Variants in DPYSL3 observed in about 807,000 individuals in gnomAD.
DPYSL3 encodes dihydropyrimidinase like 3.
A neutral mutation model predicts 66.1 loss-of-function variants in DPYSL3; 16 were observed. That is an observed-to-expected ratio of 0.24 (90% CI 0.16 to 0.37). DPYSL3 has a LOEUF of 0.37. Ranked by LOEUF, DPYSL3 falls within the 10% of genes least tolerant of loss-of-function variation. DPYSL3 has a pLI of 1.00. For missense variants in DPYSL3, 738 were observed against 916.2 expected (o/e 0.81, Z 2.51); for synonymous variants, 338 against 345.1 (o/e 0.98, Z 0.23).
chr5:147,394,982 G>A (rs982106277), intron 13 of DPYSL3, among the ~76,000 whole-genome samples: 7 of 152,152 alleles, frequency 4.6e-5, no homozygotes, highest in African/African-American at 1.7e-4. Flanking sequence ...TGGTTATGGA[G>A]CAACTGAATG....
chr5:147,456,283 G>A (rs1221320635), intron 1 of DPYSL3, among the ~76,000 whole-genome samples: 1 of 152,200 alleles, frequency 6.6e-6, no homozygotes, highest in Non-Finnish European at 1.5e-5. Flanking sequence ...CAGTATGGAT[G>A]TTTTCCACAG....
chr5:147,402,355 T>A (rs6875205), intron 8 of DPYSL3, among the ~76,000 whole-genome samples: 12 of 140,366 alleles, frequency 8.5e-5, no homozygotes, highest in African/African-American at 2.8e-4. Context: ...TTTTTTTTTC[T>A]TTTTTTTTTT....
intron 1 of DPYSL3, among the ~76,000 whole-genome samples, chr5:147,496,005 A>T (rs1006452329): frequency 6.8e-4 from 103 of 152,214 alleles, no homozygotes; most frequent in Non-Finnish European, 1.2e-3. Context: ...ACTATACTAC[A>T]AGGCTACAGT....
chr5:147,406,501 A>G (rs2152019145), intron 7 of DPYSL3, among the ~76,000 whole-genome samples: 1 of 152,286 alleles, frequency 6.6e-6, no homozygotes, highest in South Asian at 2.1e-4. Context: ...TAAATTGAGG[A>G]TAATAGGATC....
Position 147,394,682 on chromosome 5 carries a change from CAA to C in DPYSL3, c.1967-561_1967-560del, listed in dbSNP as rs34195078. ...TAAGGTAGCCAGAGAACAACAACAA[CAA>C]AAAAAAAAAGGCAAAAACTTTGAAA... On this transcript the variant is annotated intron_variant, in intron 13 of 13. Coordinates refer to ENST00000343218, the MANE Select transcript of DPYSL3 (RefSeq NM_001197294.2). Among the ~76,000 whole-genome samples the C allele has an allele frequency of 6.2e-5, 9 of 144,698 alleles. No individual in the cohort carries two copies. The East Asian group carries it at 8.0e-4, about 13-fold the overall frequency. The allele number at this position is 144,698 out of a possible 152,430, so 94.9% of individuals were successfully genotyped here.
chr5:147,501,182 A>T (rs1583291), intron 1 of DPYSL3, among the ~76,000 whole-genome samples: 20,416 of 152,218 alleles, frequency 0.13, 1,642 homozygotes, highest in South Asian at 0.28. Context: ...ATGTATGTGC[A>T]TGTCACCAAG....
At chr5:147,451,966 A>G (rs1303589583) in intron 1 of DPYSL3, among the ~76,000 whole-genome samples, 1 of 152,140 alleles carries the variant, frequency 6.6e-6, no homozygotes, top group Non-Finnish European at 1.5e-5. Flanking sequence ...AGTGAATGCC[A>G]TCAGGTAGTG....
intron 8 of DPYSL3, among the ~76,000 whole-genome samples, chr5:147,404,385 C>G (rs1370417184): frequency 6.6e-6 from 1 of 152,194 alleles, no homozygotes; most frequent in African/African-American, 2.4e-5. Flanking sequence ...GGCCAGGCAT[C>G]TGAACACTCA....
At chr5:147,482,943 C>T (rs574701458) in intron 1 of DPYSL3, among the ~76,000 whole-genome samples, 2 of 152,234 alleles carry the variant, frequency 1.3e-5, no homozygotes, top group South Asian at 4.1e-4. Context: ...CTGTCAAACT[C>T]TTATAAAACC....
chr5:147,429,585 G>A (rs997937432), intron 1 of DPYSL3, among the ~76,000 whole-genome samples: 1 of 152,122 alleles, frequency 6.6e-6, no homozygotes, highest in African/African-American at 2.4e-5. Context: ...TAAGCCTTAA[G>A]TATGTTGGTG....
chr5:147,463,791 G>A (rs535851653), intron 1 of DPYSL3, among the ~76,000 whole-genome samples: 1 of 152,144 alleles, frequency 6.6e-6, no homozygotes, highest in East Asian at 1.9e-4. Context: ...TTTCCAATCT[G>A]GCACCATCCC....
chr5:147,487,376 A>G (rs1311115083), intron 1 of DPYSL3, among the ~76,000 whole-genome samples: 2 of 152,190 alleles, frequency 1.3e-5, no homozygotes, highest in African/African-American at 4.8e-5. Context: ...AAGGGGAACA[A>G]GTGTTTCTGA....
chr5:147,490,319 G>A (rs532805668), intron 1 of DPYSL3, among the ~76,000 whole-genome samples: 1 of 152,008 alleles, frequency 6.6e-6, no homozygotes, highest in Admixed American at 6.6e-5. Context: ...GTGCACAAAG[G>A]TTATCTAGAA....
At chr5:147,439,209 G>T (rs562298734) in intron 1 of DPYSL3, among the ~76,000 whole-genome samples, 1 of 152,288 alleles carries the variant, frequency 6.6e-6, no homozygotes, top group South Asian at 2.1e-4. Flanking sequence ...GAATAAGTAA[G>T]TTACTAAATA....
chr5:147,487,737 G>C (rs1340492389), intron 1 of DPYSL3, among the ~76,000 whole-genome samples: 1 of 152,146 alleles, frequency 6.6e-6, no homozygotes, highest in Non-Finnish European at 1.5e-5. Context: ...GTTCTATACA[G>C]AAAAAGTTTA....
At chr5:147,426,969 T>A (rs1752209516) in intron 1 of DPYSL3, among the ~76,000 whole-genome samples, 2 of 152,210 alleles carry the variant, frequency 1.3e-5, no homozygotes, top group Admixed American at 1.3e-4. Context: ...ACACATGATA[T>A]ACAAGCCCCT....
chr5:147,492,523 A>T (rs960109825), intron 1 of DPYSL3, among the ~76,000 whole-genome samples: 5 of 152,152 alleles, frequency 3.3e-5, no homozygotes, highest in Non-Finnish European at 7.4e-5. Context: ...ATGATACAAG[A>T]GATAGGAGAA....
chr5:147,478,036 C>T (rs539660788), intron 1 of DPYSL3, among the ~76,000 whole-genome samples: 8 of 152,292 alleles, frequency 5.3e-5, no homozygotes, highest in Admixed American at 5.2e-4. Flanking sequence ...TTGTATCTTA[C>T]ATTTTGAGCT....
chr5:147,462,231 A>G (rs1752944071), intron 1 of DPYSL3, among the ~76,000 whole-genome samples: 2 of 152,180 alleles, frequency 1.3e-5, no homozygotes, highest in Admixed American at 6.5e-5. Context: ...AAGAAGATCA[A>G]AAGCAGATTG....
Sources: gnomAD v4.1 joint callset for allele counts (sites outside exome capture counted in the v4.1 genomes callset) on GRCh38, gnomAD v4.1.1 for gene constraint, MANE v1.5 for transcripts, NCBI Gene and HGNC (gene_info 2026-07-23, HGNC 2026-07-21) for gene names.